GCKR: variants seen among roughly 807,000 people sequenced by gnomAD.
The protein encoded by GCKR is glucokinase regulatory protein.
Under a neutral mutation model 82.9 loss-of-function variants are expected in GCKR, and 73 were observed. That is an observed-to-expected ratio of 0.88 (90% CI 0.73 to 1.07). The LOEUF (loss-of-function observed/expected upper bound fraction) is 1.07. Among genes scored for constraint, GCKR ranks in the 50% least tolerant of loss-of-function variants. The pLI is 0.00. For missense variants in GCKR, 784 were observed against 782.1 expected (o/e 1.00, Z -0.03); for synonymous variants, 294 against 291.8 (o/e 1.01, Z -0.08).
At chr2:27,507,639 G>A (rs1452566725) in intron 13 of GCKR, 42 bp from the exon 14 acceptor site, 2 of 1,040,490 alleles carry the variant, frequency 1.9e-6, no homozygotes, top group Non-Finnish European at 3.0e-6. Flanking sequence ...GTGCTTTAGA[G>A]TGTTTTCATG....
In GCKR at chr2:27,496,921, G is replaced by C. The variant is rs763613477; in HGVS notation, c.17G>C (p.Arg6Pro). ...CGTGGGACCATGCCAGGCACAAAACGGTTTCAACATGTCATTGAGACCCCG... is the reference window on the plus strand; with the variant it reads ...CGTGGGACCATGCCAGGCACAAAACCGTTTCAACATGTCATTGAGACCCCG... MPGTK[R>P]FQHVIETPEP... The change falls in exon 1 of 19, where the codon CGG becomes CCG. Residue 6 changes from arginine to proline, a missense_variant. Physicochemically the swap from Arg to Pro is moderately radical, Grantham distance 103. Coordinates refer to ENST00000264717, the MANE Select transcript of GCKR (RefSeq NM_001486.4). 48 of 1,613,796 alleles carry C rather than the reference G, an allele frequency of 3.0e-5. No homozygotes were observed. Among genetic ancestry groups the C allele is most frequent in the Non-Finnish European group, 3.9e-5 (46 of 1,179,822 alleles).
chr2:27,519,051 G>A (rs1042469755), intron 17 of GCKR, 114 bp downstream of exon 17: 10 of 884,774 alleles, frequency 1.1e-5, no homozygotes, highest in Non-Finnish European at 1.7e-5. Flanking sequence ...TGCCTTTTCT[G>A]TGTGCTTCTG....
At chr2:27,520,727 A>C (rs765216941) in intron 17 of GCKR, among the ~76,000 whole-genome samples, 12 of 152,168 alleles carry the variant, frequency 7.9e-5, no homozygotes, top group South Asian at 2.1e-4. Flanking sequence ...TAGCATTGCA[A>C]ATCTAGCACC....
At chr2:27,519,799 A>T (rs909905888) in intron 17 of GCKR, among the ~76,000 whole-genome samples, 1 of 152,120 alleles carries the variant, frequency 6.6e-6, no homozygotes, top group Non-Finnish European at 1.5e-5. Context: ...AGAGCAAGGG[A>T]TGCTCTGCCC....
intron 5 of GCKR, 111 bp from the exon 6 acceptor site, chr2:27,499,031 C>T: frequency 1.3e-6 from 1 of 764,524 alleles, no homozygotes; most frequent in South Asian, 1.4e-5. Context: ...TGTGGGTGCT[C>T]ATTCAATGAT....
At chr2:27,519,858 G>T (rs2148593139) in intron 17 of GCKR, among the ~76,000 whole-genome samples, 1 of 152,144 alleles carries the variant, frequency 6.6e-6, no homozygotes. Flanking sequence ...AAGAAGGGCT[G>T]GGAGGTGAGC....
chr2:27,518,660 C>T (rs1670068695), intron 16 of GCKR, 128 bp from the exon 17 acceptor site: 12 of 813,878 alleles, frequency 1.5e-5, no homozygotes, highest in Non-Finnish European at 2.2e-5. Flanking sequence ...GCTGCTCAAA[C>T]AAATCATGTT....
At position 27,508,209 on chromosome 2, in the gene GCKR, A is replaced by G; in HGVS notation, c.1380A>G (p.Thr460=). The change falls in exon 16 of 19, where the codon ACA becomes ACG. Residue 460 remains threonine (T), a synonymous_variant. Transcript: ENST00000264717. ...KKLFPSIISI[T]WPLLFFEYEG... is the part of the protein sequence containing the mutation. ...TCTTTCCCTCCATCATCAGCATCAC[A>G]TGGCCACTGCTTTTCTTTGAATATG... 1.9e-6 allele frequency: 3 copies of G among 1,612,072 alleles called. No homozygotes were observed. Among genetic ancestry groups the G allele is most frequent in the Non-Finnish European group, 2.5e-6 (3 of 1,178,152 alleles).
intron 3 of GCKR, 150 bp downstream of exon 3, chr2:27,497,780 AAAT>A (rs1479665346): frequency 7.5e-6 from 5 of 665,074 alleles, no homozygotes; most frequent in Non-Finnish European, 1.3e-5. Flanking sequence ...TCTTATTAAT[AAAT>A]AATAATGATA....
chr2:27,498,697 T>C (rs772492815), intron 4 of GCKR, 27 bp from the exon 5 acceptor site: 1 of 1,415,534 alleles, frequency 7.1e-7, no homozygotes, highest in Non-Finnish European at 1.0e-6. Flanking sequence ...TGTCATTACC[T>C]CTTTACATCC....
intron 4 of GCKR, 53 bp downstream of exon 4, chr2:27,498,376 T>C: frequency 7.4e-7 from 1 of 1,358,844 alleles, no homozygotes; most frequent in Non-Finnish European, 1.1e-6. Flanking sequence ...GAGGTGACCC[T>C]CAGGACCATA....
At chr2:27,515,857 G>A (rs1316730341) in intron 16 of GCKR, among the ~76,000 whole-genome samples, 2 of 148,490 alleles carry the variant, frequency 1.3e-5, no homozygotes, top group Non-Finnish European at 3.0e-5. Flanking sequence ...TCAAACTCCT[G>A]GGCTGAAGCA....
intron 5 of GCKR, 148 bp downstream of exon 5, chr2:27,498,945 C>G: frequency 6.9e-6 from 5 of 728,216 alleles, no homozygotes; most frequent in Non-Finnish European, 1.3e-5. Context: ...ACTTCACATA[C>G]TTATGTCGCC....
chr2:27,499,973 G>C (rs966001792), intron 7 of GCKR, among the ~76,000 whole-genome samples: 1 of 152,074 alleles, frequency 6.6e-6, no homozygotes, highest in Non-Finnish European at 1.5e-5. Context: ...GGCCAGGCTG[G>C]TCTCGAACTC....
chr2:27,507,023 C>T, intron 12 of GCKR, 138 bp downstream of exon 12: 11 of 783,188 alleles, frequency 1.4e-5, no homozygotes, highest in Non-Finnish European at 2.6e-5. Flanking sequence ...GCACTTCAGT[C>T]AAATTCTTCT....
intron 16 of GCKR, among the ~76,000 whole-genome samples, chr2:27,514,185 A>T (rs1006059068): frequency 3.9e-5 from 6 of 152,026 alleles, no homozygotes; most frequent in African/African-American, 1.4e-4. Context: ...GTGTGTGTTT[A>T]TGTATATATA....
chr2:27,522,186 T>C (rs1223256161), intron 17 of GCKR, among the ~76,000 whole-genome samples: 1 of 152,180 alleles, frequency 6.6e-6, no homozygotes, highest in African/African-American at 2.4e-5. Flanking sequence ...ACCTACAGGA[T>C]TGGTGGGACA....
Position 27,510,593 on chromosome 2 carries a change from G to C in GCKR, c.1422+2342G>C, listed in dbSNP as rs1669857814. 2.0e-5 allele frequency among the ~76,000 whole-genome samples: 3 copies of C among 152,294 alleles called. No homozygotes were observed. The South Asian group carries it at 6.2e-4, about 32-fold the overall frequency. On this transcript the variant is annotated intron_variant, in intron 16 of 18. Coordinates refer to ENST00000264717, the MANE Select transcript of GCKR (RefSeq NM_001486.4). ...AGGTTTATAAATAAAGCGTGAAGTT[G>C]CTTGTTCCCTTACACCCTTATACAT... is the stretch of plus-strand genomic sequence containing the variant.
At position 27,508,067 on chromosome 2, in the gene GCKR, C is replaced by T; in HGVS notation, c.1331C>T (p.Thr444Ile). 1 of 1,612,872 alleles carries T rather than the reference C, an allele frequency of 6.2e-7. No individual in the cohort carries two copies. Among genetic ancestry groups the T allele is most frequent in the Non-Finnish European group, 8.5e-7 (1 of 1,178,874 alleles). Residue 444 changes from threonine to isoleucine, a missense_variant, in exon 15 of 19, where the codon ACC becomes ATC. Transcript: ENST00000264717. ...QALAHSTVGQ[T>I]LLIPLKKLFP... The stretch of plus-strand genomic sequence containing the variant: ...CTGGCACACAGCACCGTGGGTCAGA[C>T]CTTGCTGGTGAGAGTCCAGCCGTGA...
Sources: allele counts gnomAD v4.1 joint callset (sites outside exome capture counted in the v4.1 genomes callset), GRCh38; gene constraint gnomAD v4.1.1; transcripts MANE v1.5; gene names NCBI Gene and HGNC (gene_info 2026-07-23, HGNC 2026-07-21).